PDS5B: variants seen among roughly 807,000 people sequenced by gnomAD.
The protein encoded by PDS5B is sister chromatid cohesion protein PDS5 homolog B.
PDS5B carries 51 observed loss-of-function variants against 184.1 expected under a neutral mutation model. The observed-to-expected ratio is 0.28, with a 90% confidence interval of 0.22 to 0.35. The LOEUF is 0.35. Ranked by LOEUF, PDS5B falls within the 10% of genes least tolerant of loss-of-function variation. PDS5B has a pLI of 1.00. For synonymous variants in PDS5B, 566 were observed against 569.2 expected, an observed-to-expected ratio of 0.99 and a Z score of 0.08; for missense variants, 1,180 against 1,723.3, an observed-to-expected ratio of 0.68 and a Z score of 5.58.
intron 8 of PDS5B, among the ~76,000 whole-genome samples, chr13:32,673,664 G>A (rs1316123838): frequency 1.3e-5 from 2 of 152,118 alleles, no homozygotes; most frequent in African/African-American, 2.4e-5. Flanking sequence ...ATGTTTTCAA[G>A]GCACAGTTTA....
At chr13:32,647,283 T>C (rs1463140120) in intron 1 of PDS5B, among the ~76,000 whole-genome samples, 2 of 152,122 alleles carry the variant, frequency 1.3e-5, no homozygotes, top group African/African-American at 2.4e-5. Context: ...TCTTATGACC[T>C]TTCTTTCACT....
chr13:32,727,950 TCA>T (rs1422248236), intron 19 of PDS5B, among the ~76,000 whole-genome samples: 1 of 151,994 alleles, frequency 6.6e-6, no homozygotes, highest in African/African-American at 2.4e-5. Flanking sequence ...GTCTTATAGA[TCA>T]CAGCTGCTGT....
intron 1 of PDS5B, among the ~76,000 whole-genome samples, chr13:32,632,286 A>C (rs1276967866): frequency 6.6e-6 from 1 of 152,240 alleles, no homozygotes; most frequent in East Asian, 1.9e-4. Flanking sequence ...ACAAGGATTT[A>C]ATGTCCAGAA....
Position 32,598,013 on chromosome 13 carries a change from T to TA in PDS5B, c.-20+11428dup, listed in dbSNP as rs1014839589. Among the ~76,000 whole-genome samples, 9 of 151,750 alleles carry TA rather than the reference T, an allele frequency of 5.9e-5. No individual in the cohort carries two copies. In the South Asian group the frequency reaches 6.2e-4, roughly 11 times the overall value. On this transcript the variant is annotated intron_variant, in intron 1 of 34. Coordinates refer to ENST00000315596, the MANE Select transcript of PDS5B (RefSeq NM_015032.4). ...TGTCAGCAGTGGATATTCTGTAGAT[T>TA]AAAAAAAAGAAAATCAGACGAGACG... is the stretch of plus-strand genomic sequence containing the variant.
At chr13:32,735,409 G>A in intron 21 of PDS5B, 79 bp downstream of exon 21, 2 of 973,596 alleles carry the variant, frequency 2.1e-6, no homozygotes, top group East Asian at 2.7e-5. Context: ...GAAGTGAAAT[G>A]ATATCAATAA....
intron 13 of PDS5B, 22 bp from the exon 14 acceptor site, chr13:32,694,201 T>C (rs923691419): frequency 1.4e-6 from 2 of 1,472,280 alleles, no homozygotes; most frequent in Non-Finnish European, 1.9e-6. Context: ...GTTATTTAAA[T>C]GTGTATGTTT....
intron 1 of PDS5B, among the ~76,000 whole-genome samples, chr13:32,610,702 GTGTT>G: frequency 6.6e-6 from 1 of 151,554 alleles, no homozygotes; most frequent in East Asian, 1.9e-4. Context: ...GAACTTCACT[GTGTT>G]TGAGTCCTGG....
chr13:32,767,968 CAT>C (rs755862253), intron 31 of PDS5B, among the ~76,000 whole-genome samples: 1 of 152,078 alleles, frequency 6.6e-6, no homozygotes, highest in South Asian at 2.1e-4. Flanking sequence ...TTGTTCAAAA[CAT>C]ATAAAATAAA....
At chr13:32,647,522 GGCCT>G (rs1391175835) in intron 1 of PDS5B, among the ~76,000 whole-genome samples, 1 of 152,096 alleles carries the variant, frequency 6.6e-6, no homozygotes, top group Non-Finnish European at 1.5e-5. Context: ...AAGCTCAAAA[GGCCT>G]GCCTTGGCCT....
chr13:32,608,011 G>A (rs975982568), intron 1 of PDS5B, among the ~76,000 whole-genome samples: 2 of 152,150 alleles, frequency 1.3e-5, no homozygotes, highest in Admixed American at 1.3e-4. Context: ...GCGCTTCCCG[G>A]GTGAGGTGAT....
chr13:32,655,273 C>G (rs191390495), intron 3 of PDS5B, among the ~76,000 whole-genome samples: 1,925 of 147,394 alleles, frequency 0.013, 28 homozygotes, highest in South Asian at 0.063. Context: ...TTGCATTTCT[C>G]TAATCAGTGA....
At chr13:32,676,692 G>T (rs998747328) in intron 9 of PDS5B, among the ~76,000 whole-genome samples, 1 of 152,132 alleles carries the variant, frequency 6.6e-6, no homozygotes, top group Non-Finnish European at 1.5e-5. Context: ...AGCACTTTGG[G>T]AGGCCGAGGC....
At chr13:32,602,712 G>A (rs561054947) in intron 1 of PDS5B, among the ~76,000 whole-genome samples, 21 of 152,166 alleles carry the variant, frequency 1.4e-4, no homozygotes, top group Non-Finnish European at 2.8e-4. Context: ...CAGTCCCACC[G>A]ACAATGCAAA....
At chr13:32,602,799 T>A (rs1359197939) in intron 1 of PDS5B, among the ~76,000 whole-genome samples, 2 of 152,212 alleles carry the variant, frequency 1.3e-5, no homozygotes, top group Admixed American at 6.5e-5. Context: ...CTAACGGGTG[T>A]GACATGGTAT....
chr13:32,669,554 G>A (rs1225850210), intron 7 of PDS5B, among the ~76,000 whole-genome samples: 1 of 152,032 alleles, frequency 6.6e-6, no homozygotes, highest in Non-Finnish European at 1.5e-5. Flanking sequence ...AAAGGCTGAG[G>A]AAATATTTTT....
At chr13:32,748,463 T>TA (rs1953841986) in intron 24 of PDS5B, among the ~76,000 whole-genome samples, 1 of 122,852 alleles carries the variant, frequency 8.1e-6, no homozygotes, top group Non-Finnish European at 1.8e-5. Flanking sequence ...TGGCTCTTCC[T>TA]CTTTTTTTTT....
intron 3 of PDS5B, among the ~76,000 whole-genome samples, chr13:32,653,787 T>C (rs1328834189): frequency 1.3e-5 from 2 of 152,208 alleles, no homozygotes; most frequent in African/African-American, 4.8e-5. Flanking sequence ...GTTTAAGGAA[T>C]GATTCCATTT....
At chr13:32,707,695 T>G (rs1029306) in intron 18 of PDS5B, among the ~76,000 whole-genome samples, 45,247 of 140,862 alleles carry the variant, frequency 0.32, 8,636 homozygotes, top group Non-Finnish European at 0.43. Context: ...CCTCATTTCC[T>G]CATATGAAAT....
chr13:32,756,177 G>A (rs926648850), intron 26 of PDS5B, among the ~76,000 whole-genome samples: 1 of 151,946 alleles, frequency 6.6e-6, no homozygotes, highest in South Asian at 2.1e-4. Context: ...TTATAGTTAT[G>A]TTTCTGTACC....
Sources: allele counts gnomAD v4.1 joint callset (sites outside exome capture counted in the v4.1 genomes callset), GRCh38; gene constraint gnomAD v4.1.1; transcripts MANE v1.5; gene names NCBI Gene and HGNC (gene_info 2026-07-23, HGNC 2026-07-21).